Variants in MLLT3 observed in about 807,000 individuals in gnomAD.
MLLT3 encodes MLLT3 super elongation complex subunit.
Under a neutral mutation model 53.2 loss-of-function variants are expected in MLLT3, and 4 were observed. The observed-to-expected ratio is 0.08, with a 90% CI of 0.04 to 0.17. MLLT3 has a LOEUF of 0.17. Ranked by LOEUF, MLLT3 falls within the 10% of genes least tolerant of loss-of-function variation. The pLI is 1.00. For synonymous variants in MLLT3, 283 were observed against 230.6 expected, an observed-to-expected ratio of 1.23 and a Z score of -2.06; for missense variants, 569 against 684.0, an observed-to-expected ratio of 0.83 and a Z score of 1.87.
chr9:20,583,470 C>G (rs569588855), intron 2 of MLLT3, among the ~76,000 whole-genome samples: 1 of 152,184 alleles, frequency 6.6e-6, no homozygotes, highest in African/African-American at 2.4e-5. Flanking sequence ...GGCTCCGACC[C>G]CACATTTCTC....
intron 2 of MLLT3, among the ~76,000 whole-genome samples, chr9:20,500,792 G>C (rs1356375912): frequency 6.6e-6 from 1 of 152,114 alleles, no homozygotes; most frequent in African/African-American, 2.4e-5. Context: ...GAATTCAGAA[G>C]TTACTTACCA....
intron 6 of MLLT3, 59 bp from the exon 7 acceptor site, chr9:20,363,664 A>T: frequency 6.4e-7 from 1 of 1,554,580 alleles, no homozygotes; most frequent in Non-Finnish European, 8.7e-7. Flanking sequence ...ACTTAGCCAT[A>T]TTAGAAACAG....
intron 5 of MLLT3, among the ~76,000 whole-genome samples, chr9:20,401,598 T>C (rs1822458806): frequency 6.6e-6 from 1 of 152,170 alleles, no homozygotes. Context: ...GCACCGGTCA[T>C]CACTTCCAAG....
At chr9:20,370,898 T>C (rs1466313501) in intron 5 of MLLT3, among the ~76,000 whole-genome samples, 1 of 152,156 alleles carries the variant, frequency 6.6e-6, no homozygotes, top group Non-Finnish European at 1.5e-5. Context: ...GCTAGGCCTC[T>C]TGCACCAAAT....
intron 4 of MLLT3, among the ~76,000 whole-genome samples, chr9:20,423,326 T>C (rs1305955763): frequency 6.6e-6 from 1 of 152,204 alleles, no homozygotes; most frequent in African/African-American, 2.4e-5. Context: ...AGAGGCTCAA[T>C]GACTGTAAAA....
intron 4 of MLLT3, among the ~76,000 whole-genome samples, chr9:20,431,451 T>C (rs1238437823): frequency 6.6e-6 from 1 of 152,158 alleles, no homozygotes; most frequent in African/African-American, 2.4e-5. Context: ...GAAAGCAATA[T>C]AGTAGACTCC....
Position 20,455,622 on chromosome 9 carries a change from G to A in MLLT3, c.276+1082C>T, listed in dbSNP as rs79976256. Among the ~76,000 whole-genome samples, 174 of 151,996 alleles carry A rather than the reference G, an allele frequency of 1.1e-3. 2 individuals carry two copies. In the East Asian group the frequency reaches 0.029, roughly 25 times the overall value. ...TTGGATAACATGACATTCTATTTGC[G>A]TAGTTCCTTAAAAGAAAAAAAAAGC... On this transcript the variant is annotated intron_variant, in intron 3 of 10. Coordinates refer to ENST00000380338, the MANE Select transcript of MLLT3 (RefSeq NM_004529.4).
intron 2 of MLLT3, among the ~76,000 whole-genome samples, chr9:20,590,538 G>A (rs1229983297): frequency 6.6e-6 from 1 of 152,052 alleles, no homozygotes; most frequent in East Asian, 1.9e-4. Flanking sequence ...TTGTCTGTCT[G>A]TCTCTCTCTC....
At chr9:20,532,505 G>C in intron 2 of MLLT3, 1 of 193,870 alleles carries the variant, frequency 5.2e-6, no homozygotes, top group Non-Finnish European at 1.0e-5. Context: ...TAGGTCATTA[G>C]AACATTTAAG....
intron 4 of MLLT3, among the ~76,000 whole-genome samples, chr9:20,420,399 G>A (rs1333190787): frequency 6.6e-6 from 1 of 152,100 alleles, no homozygotes; most frequent in Non-Finnish European, 1.5e-5. Context: ...TAAAATAATG[G>A]AATGGGCAAA....
intron 4 of MLLT3, among the ~76,000 whole-genome samples, chr9:20,423,519 T>C (rs1442545204): frequency 6.6e-6 from 1 of 151,886 alleles, no homozygotes; most frequent in African/African-American, 2.4e-5. Flanking sequence ...GGACCAAGAA[T>C]ATTCAGGAAA....
chr9:20,416,337 T>C (rs946271512), intron 4 of MLLT3, among the ~76,000 whole-genome samples: 1 of 152,090 alleles, frequency 6.6e-6, no homozygotes, highest in African/African-American at 2.4e-5. Flanking sequence ...ATTATACACA[T>C]ATTTTGTAAA....
At chr9:20,366,846 A>C (rs1190988523) in intron 5 of MLLT3, among the ~76,000 whole-genome samples, 1 of 152,246 alleles carries the variant, frequency 6.6e-6, no homozygotes, top group Non-Finnish European at 1.5e-5. Flanking sequence ...TGGTCATTAG[A>C]GAAATACAGC....
At position 20,525,365 on chromosome 9, in the gene MLLT3, G is replaced by A. The variant is rs140365487; in HGVS notation, c.194-68579C>T. 3.2e-4 allele frequency among the ~76,000 whole-genome samples: 48 copies of A among 152,182 alleles called. No homozygotes were observed. In the East Asian group the frequency reaches 6.8e-3, roughly 21 times the overall value. The stretch of plus-strand genomic sequence containing the variant: ...TACAAAAATTACCGAGTGTGGTGGC[G>A]TGCACATGTAATCCCAGCTACTTGG... On this transcript the variant is annotated intron_variant, in intron 2 of 10. Transcript: ENST00000380338.
chr9:20,394,989 C>A (rs928323033), intron 5 of MLLT3, among the ~76,000 whole-genome samples: 1 of 152,042 alleles, frequency 6.6e-6, no homozygotes, highest in Non-Finnish European at 1.5e-5. Context: ...AAAGAAAGGT[C>A]CCACAAGAGT....
intron 5 of MLLT3, among the ~76,000 whole-genome samples, chr9:20,406,786 A>T (rs1822588798): frequency 6.6e-6 from 1 of 152,310 alleles, no homozygotes; most frequent in Non-Finnish European, 1.5e-5. Context: ...TATTTTCAGA[A>T]TTCAAAGATA....
At chr9:20,527,457 T>G (rs754227292) in intron 2 of MLLT3, among the ~76,000 whole-genome samples, 2 of 152,158 alleles carry the variant, frequency 1.3e-5, no homozygotes, top group East Asian at 3.9e-4. Flanking sequence ...AGACCTTACT[T>G]AACACTTCAA....
intron 2 of MLLT3, among the ~76,000 whole-genome samples, chr9:20,522,455 T>G (rs1818088077): frequency 6.6e-6 from 1 of 152,210 alleles, no homozygotes. Flanking sequence ...AAACAGTAAT[T>G]ATATCTTCTC....
chr9:20,565,425 T>G (rs1430851505), intron 2 of MLLT3, among the ~76,000 whole-genome samples: 1 of 152,060 alleles, frequency 6.6e-6, no homozygotes, highest in Non-Finnish European at 1.5e-5. Flanking sequence ...AAAGGAAAAC[T>G]TCTAGAGTAG....
Sources: gnomAD v4.1 joint callset for allele counts (sites outside exome capture counted in the v4.1 genomes callset) on GRCh38, gnomAD v4.1.1 for gene constraint, MANE v1.5 for transcripts, NCBI Gene and HGNC (gene_info 2026-07-23, HGNC 2026-07-21) for gene names.